WDR64: variants seen among roughly 807,000 people sequenced by gnomAD.
WDR64 encodes WD repeat-containing protein 64.
WDR64 carries 112 observed loss-of-function variants against 139.3 expected under a neutral mutation model. That is an observed-to-expected ratio of 0.80 (90% CI 0.69 to 0.94). The LOEUF (loss-of-function observed/expected upper bound fraction) is 0.94, where lower values mean the gene tolerates loss of function less well. WDR64 is among the 40% of genes least tolerant of loss of function. The probability of loss-of-function intolerance (pLI) is 0.00; values close to 1 mark genes in which losing one functional copy is unlikely to be tolerated. For missense variants in WDR64, 1,206 were observed against 1,293.1 expected, an observed-to-expected ratio of 0.93 and a Z score of 1.03; for synonymous variants, 444 against 437.7, an observed-to-expected ratio of 1.01 and a Z score of -0.18.
At position 241,703,321 on chromosome 1, in the gene WDR64, A is replaced by AT. The variant is rs1667801292; in HGVS notation, c.975-8481_975-8480insT. 6.6e-6 allele frequency among the ~76,000 whole-genome samples: 1 copy of AT among 151,750 alleles called. No homozygotes were observed. The highest frequency in any genetic ancestry group is 1.5e-5 in the Non-Finnish European group (1 of 67,964). On this transcript the variant is annotated intron_variant, in intron 8 of 27. Transcript: ENST00000437684. This position sits in a 1 kb window ranked among gnomAD's most constrained non-coding sequence, Gnocchi z 5.9. ...TAACACATGCCCCCTGAAAAAAGTC[A>AT]CCCCTTTACCTTCTACCTGATGACT... is the stretch of plus-strand genomic sequence containing the variant.
chr1:241,655,313 C>T (rs1013426496), intron 1 of WDR64, among the ~76,000 whole-genome samples: 26 of 152,040 alleles, frequency 1.7e-4, no homozygotes, highest in South Asian at 2.1e-4. Flanking sequence ...AACCAGGACC[C>T]GGGAGGCAGA....
In WDR64 at chr1:241,687,550, A is replaced by G; in HGVS notation, c.929A>G (p.Asn310Ser). The change falls in exon 8 of 28, where the codon AAT becomes AGT. Residue 310 changes from asparagine (N) to serine (S), a missense_variant. Asn to Ser is a conservative substitution (Grantham distance 46, BLOSUM62 1). Coordinates refer to ENST00000437684, the MANE Select transcript of WDR64 (RefSeq NM_001367482.1). ...NCFGSCSLDS[N>S]HSLVLESLKR... ...TTTGGATCCTGCTCCTTAGACAGTA[A>G]TCATTCATTAGTTTTGGAATCCTTG... 6.2e-7 allele frequency: 1 copy of G among 1,613,772 alleles called. No homozygotes were observed. Among genetic ancestry groups the G allele is most frequent in the Non-Finnish European group, 8.5e-7 (1 of 1,179,784 alleles).
At chr1:241,727,370 T>A (rs1668885907) in intron 10 of WDR64, among the ~76,000 whole-genome samples, 1 of 152,186 alleles carries the variant, frequency 6.6e-6, no homozygotes, top group Non-Finnish European at 1.5e-5. Context: ...GAAGAGAGAA[T>A]CTTTCCTATT....
chr1:241,751,269 A>AT (rs1202939780), intron 14 of WDR64, among the ~76,000 whole-genome samples: 3 of 151,904 alleles, frequency 2.0e-5, no homozygotes, highest in East Asian at 1.9e-4. Flanking sequence ...TAGCCAGGCC[A>AT]TTTTTTTTCC....
chr1:241,678,313 G>C (rs1666638381), intron 5 of WDR64, 97 bp downstream of exon 5: 1 of 397,358 alleles, frequency 2.5e-6, no homozygotes, highest in South Asian at 1.3e-4. Context: ...TACTGAATAG[G>C]CTCTGGGTAT....
chr1:241,688,640 GC>G (rs1039544415), intron 8 of WDR64, among the ~76,000 whole-genome samples: 4 of 152,110 alleles, frequency 2.6e-5, no homozygotes, highest in African/African-American at 9.7e-5. Flanking sequence ...CAGTTTTGTT[GC>G]CCCCACATTG....
At position 241,801,025 on chromosome 1, in the gene WDR64, T is replaced by G. The variant is rs1032273127; in HGVS notation, c.3193-107T>G. The G allele has an allele frequency of 2.3e-5, 19 of 818,112 alleles. No individual in the cohort carries two copies. The Admixed American group carries it at 2.6e-4, about 11-fold the overall frequency. 50.7% of individuals were successfully genotyped at this position (818,112 alleles called of 1,614,324 possible). ...AGTAAATAACTATTCATTTTTTTTC[T>G]AGGAGGATTAAAATCTCTATGTAAA... On this transcript the variant is annotated intron_variant, in intron 27 of 27. Coordinates refer to ENST00000437684, the MANE Select transcript of WDR64 (RefSeq NM_001367482.1).
intron 18 of WDR64, 73 bp downstream of exon 18, chr1:241,770,763 C>A: frequency 7.5e-7 from 1 of 1,334,516 alleles, no homozygotes; most frequent in Non-Finnish European, 1.0e-6. Context: ...CTATTGAGCA[C>A]ATTTGAGCCC....
At chr1:241,786,366 C>A (rs1363272692) in intron 23 of WDR64, among the ~76,000 whole-genome samples, 1 of 152,168 alleles carries the variant, frequency 6.6e-6, no homozygotes, top group Non-Finnish European at 1.5e-5. Context: ...ATTTGCCACT[C>A]TGAGGTTGAA....
chr1:241,785,766 T>C (rs1659014714), intron 23 of WDR64, among the ~76,000 whole-genome samples: 1 of 152,186 alleles, frequency 6.6e-6, no homozygotes, highest in African/African-American at 2.4e-5. Context: ...AAATCTTGCT[T>C]GTCAAAAAGA....
At chr1:241,691,828 A>G (rs1411790790) in intron 8 of WDR64, among the ~76,000 whole-genome samples, 2 of 152,166 alleles carry the variant, frequency 1.3e-5, no homozygotes, top group African/African-American at 2.4e-5. Flanking sequence ...AGCCTGGCCA[A>G]CATGGTGAAA....
intron 18 of WDR64, 37 bp downstream of exon 18, chr1:241,770,727 T>C (rs1004505888): frequency 6.9e-5 from 106 of 1,540,008 alleles, no homozygotes; most frequent in Non-Finnish European, 9.0e-5. Flanking sequence ...CTTCCTGTCA[T>C]ACTCAATGTT....
At chr1:241,780,599 T>C (rs1010090582) in intron 22 of WDR64, among the ~76,000 whole-genome samples, 1 of 152,230 alleles carries the variant, frequency 6.6e-6, no homozygotes, top group African/African-American at 2.4e-5. Context: ...TTAGCTTAAA[T>C]AGATACTTTT....
intron 14 of WDR64, among the ~76,000 whole-genome samples, chr1:241,752,830 G>A (rs899756325): frequency 2.0e-4 from 30 of 152,204 alleles, no homozygotes; most frequent in Admixed American, 1.8e-3. Flanking sequence ...CAGCCTGGGC[G>A]ACAGAGCAAG....
chr1:241,687,455 C>G lies in WDR64; in HGVS notation c.840-6C>G. 6.2e-7 allele frequency: 1 copy of G among 1,613,384 alleles called. No homozygotes were observed. Among genetic ancestry groups the G allele is most frequent in the South Asian group, 1.1e-5 (1 of 90,956 alleles). On this transcript the variant is annotated splice_polypyrimidine_tract_variant and splice_region_variant and intron_variant, in intron 7 of 27. Coordinates refer to ENST00000437684, the MANE Select transcript of WDR64 (RefSeq NM_001367482.1). The stretch of plus-strand genomic sequence containing the variant: ...TAAATCTCCCCTGCCTTTTCTTAAT[C>G]CCCAGTGTTAAAAGGAAGCTACATA...
chr1:241,772,674 G>A (rs2148303729), intron 19 of WDR64, 118 bp from the exon 20 acceptor site: 2 of 1,056,804 alleles, frequency 1.9e-6, no homozygotes, highest in South Asian at 1.7e-5. Flanking sequence ...TGTTGGCCAG[G>A]CTGATCTGGA....
intron 3 of WDR64, among the ~76,000 whole-genome samples, chr1:241,674,222 C>T (rs537621789): frequency 1.1e-4 from 15 of 142,628 alleles, no homozygotes; most frequent in African/African-American, 3.1e-4. Flanking sequence ...TTGGGGCTTT[C>T]TAGCAAAAAA....
intron 23 of WDR64, among the ~76,000 whole-genome samples, chr1:241,784,771 T>C (rs1489931338): frequency 6.6e-6 from 1 of 151,580 alleles, no homozygotes; most frequent in Non-Finnish European, 1.5e-5. Context: ...CTAACCAACA[T>C]GGTGAAACCC....
At chr1:241,744,284 A>G in intron 12 of WDR64, 109 bp from the exon 13 acceptor site, 1 of 1,317,756 alleles carries the variant, frequency 7.6e-7, no homozygotes, top group Non-Finnish European at 1.1e-6. Context: ...GAAATGTGTT[A>G]GATGTACAGA....
Sources: allele counts gnomAD v4.1 joint callset (sites outside exome capture counted in the v4.1 genomes callset), GRCh38; gene constraint gnomAD v4.1.1; non-coding constraint Gnocchi (gnomAD v3.1); transcripts MANE v1.5; gene names NCBI Gene and HGNC (gene_info 2026-07-23, HGNC 2026-07-21).